The following PLEKHG3 variants were observed in gnomAD, a reference collection of about 807,000 sequenced individuals.
PLEKHG3 encodes the protein pleckstrin homology and RhoGEF domain containing G3.
PLEKHG3 carries 62 observed loss-of-function variants against 94.9 expected under a neutral mutation model. The ratio of observed to expected loss-of-function variants is 0.65; its 90% confidence interval spans 0.53 to 0.81. The LOEUF is 0.81. Ranked by LOEUF, PLEKHG3 falls within the 30% of genes least tolerant of loss-of-function variation. PLEKHG3 has a pLI of 0.00. For synonymous variants in PLEKHG3, 614 were observed against 654.0 expected (o/e 0.94, Z 0.93); for missense variants, 1,461 against 1,619.3 (o/e 0.90, Z 1.68).
rs771517661 is a variant in PLEKHG3 at position 64,730,200 on chromosome 14, C to G, written c.450-43C>G. 6.1e-5 allele frequency: 70 copies of G among 1,141,296 alleles called. No homozygotes were observed. The highest frequency in any genetic ancestry group is 8.4e-5 in the Non-Finnish European group (66 of 786,632). The allele number at this position is 1,141,296 out of a possible 1,614,324, so 70.7% of individuals were successfully genotyped here. Reference sequence around the variant, plus strand: ...GGAGGGGGCAGTGAGGGGCATTGTCCTCTGACTGCAGAGGGTACAGTGGCT... The same window carrying G: ...GGAGGGGGCAGTGAGGGGCATTGTCGTCTGACTGCAGAGGGTACAGTGGCT... On this transcript the variant is annotated intron_variant, in intron 3 of 16. Transcript: ENST00000247226. The surrounding 1 kb of genome is among the most constrained non-coding windows in gnomAD (Gnocchi z 5.4).
Position 64,720,484 on chromosome 14 carries a change from G to A in PLEKHG3, c.-39-7109G>A, listed in dbSNP as rs2081243942. On this transcript the variant is annotated intron_variant, in intron 1 of 16. Transcript: ENST00000247226. The surrounding 1 kb of genome is among the most constrained non-coding windows in gnomAD (Gnocchi z 4.1). Reference sequence around the variant, plus strand: ...GAGCTCATCCCGGCGCCATCTCAGAGTCCTTCCAGCAGGCATTTATTGAAC... The same window carrying A: ...GAGCTCATCCCGGCGCCATCTCAGAATCCTTCCAGCAGGCATTTATTGAAC... Among the ~76,000 whole-genome samples the A allele has an allele frequency of 6.6e-6, 1 of 152,182 alleles. No homozygotes were observed. Among genetic ancestry groups the A allele is most frequent in the Non-Finnish European group, 1.5e-5 (1 of 68,036 alleles).
rs2081355406 is a variant in PLEKHG3, at chr14:64,726,463, G to A, written c.-39-1130G>A. 6.6e-6 allele frequency among the ~76,000 whole-genome samples: 1 copy of A among 152,162 alleles called. No individual in the cohort carries two copies. Among genetic ancestry groups the A allele is most frequent in the Non-Finnish European group, 1.5e-5 (1 of 68,030 alleles). On this transcript the variant is annotated intron_variant, in intron 1 of 16. Transcript: ENST00000247226. This position sits in a 1 kb window ranked among gnomAD's most constrained non-coding sequence, Gnocchi z 5.1. ...GTACTCTGCAAAGTGGCATTGGTGA[G>A]CTCTAAGGGGTGGGCATGGGTGTTG...
In PLEKHG3 at chr14:64,723,678, T is replaced by A. The variant is rs2081303380; in HGVS notation, c.-39-3915T>A. ...ACTATGCCCAGCTAATTTTTGTATT[T>A]TTAGTAGAGATGGGGTTTCACCATG... On this transcript the variant is annotated intron_variant, in intron 1 of 16. Transcript: ENST00000247226. The surrounding 1 kb of genome is among the most constrained non-coding windows in gnomAD (Gnocchi z 4.5). 1 of 152,074 alleles carries A rather than the reference T, an allele frequency of 6.6e-6. No individual in the cohort carries two copies. The highest frequency in any genetic ancestry group is 2.1e-4 in the South Asian group (1 of 4,810). 9.4% of individuals were successfully genotyped at this position (152,074 alleles called of 1,614,324 possible).
At position 64,726,819 on chromosome 14, in the gene PLEKHG3, T is replaced by TC. The variant is rs1555360486; in HGVS notation, c.-39-773dup. Among the ~76,000 whole-genome samples, 4 of 152,080 alleles carry TC rather than the reference T, an allele frequency of 2.6e-5. No homozygotes were observed. Among genetic ancestry groups the TC allele is most frequent in the Non-Finnish European group, 1.5e-5 (1 of 68,002 alleles). ...CGGGGGATAATGCTGGCTCAGCCAG[T>TC]CAGTATCCAGAAAGTTTCAGGTTTG... On this transcript the variant is annotated intron_variant, in intron 1 of 16. Transcript: ENST00000247226. The surrounding 1 kb of genome is among the most constrained non-coding windows in gnomAD (Gnocchi z 5.1).
chr14:64,705,961 T>C (rs2080965291), intron 1 of PLEKHG3, among the ~76,000 whole-genome samples: 1 of 152,330 alleles, frequency 6.6e-6, no homozygotes, highest in Middle Eastern at 3.4e-3. Context: ...ACTCCCTTCC[T>C]GGAAGATAGG....
chr14:64,732,146 A>G lies in PLEKHG3; in HGVS notation c.1177A>G (p.Ile393Val), dbSNP rs767144566. ...RNWTHHIKRL[I>V]LENHHATIPQ... ...CTGGACTCACCACATCAAGAGGCTC[A>G]TCCTAGAGAACCACCATGCCACCAT... The change falls in exon 10 of 17, where the codon ATC becomes GTC. Residue 393 changes from isoleucine to valine, a missense_variant. Physicochemically the swap from Ile to Val is conservative, Grantham distance 29 (BLOSUM62 3). This residue lies in a region of PLEKHG3 where 1,201 missense variants were observed against 1,295.5 expected (regional missense o/e 0.93). Transcript: ENST00000247226. The surrounding 1 kb of genome is among the most constrained non-coding windows in gnomAD (Gnocchi z 4.9). 6.2e-7 allele frequency: 1 copy of G among 1,612,106 alleles called. No homozygotes were observed. Among genetic ancestry groups the G allele is most frequent in the Non-Finnish European group, 8.5e-7 (1 of 1,178,266 alleles).
chr14:64,737,045 C>T (rs1303994678), intron 13 of PLEKHG3, 154 bp downstream of exon 13: 10 of 716,776 alleles, frequency 1.4e-5, no homozygotes, highest in Non-Finnish European at 2.3e-5. Flanking sequence ...AAGAGGGCCT[C>T]GCCCCTGGCT....
chr14:64,722,593 G>GGGGA lies in PLEKHG3; in HGVS notation c.-39-4999_-39-4996dup, dbSNP rs2081280974. ...GGGGCCTTTGGAGCAGCTGCCCCAT[G>GGGGA]GGGACCCTCCTTGCTCGTTTTCTGC... On this transcript the variant is annotated intron_variant, in intron 1 of 16. Transcript: ENST00000247226. The surrounding 1 kb of genome is among the most constrained non-coding windows in gnomAD (Gnocchi z 4.3). Among the ~76,000 whole-genome samples the GGGGA allele has an allele frequency of 6.6e-6, 1 of 152,182 alleles. No individual in the cohort carries two copies. The highest frequency in any genetic ancestry group is 1.5e-5 in the Non-Finnish European group (1 of 68,022).
At chr14:64,711,638 T>G (rs533540355) in intron 1 of PLEKHG3, among the ~76,000 whole-genome samples, 6 of 152,186 alleles carry the variant, frequency 3.9e-5, no homozygotes, top group Non-Finnish European at 7.3e-5. Context: ...GGTCTCGATC[T>G]CCTGACCTTG....
chr14:64,727,612 C>G lies in PLEKHG3; in HGVS notation c.-20C>G. Reference sequence around the variant, plus strand: ...TTGCAGAATCTCCCTGGGGTGCCCTCCCCAGGCAGCAATGCCAGGATGCCT... The same window carrying G: ...TTGCAGAATCTCCCTGGGGTGCCCTGCCCAGGCAGCAATGCCAGGATGCCT... On this transcript the variant is annotated 5_prime_UTR_variant, in exon 2 of 17. Transcript: ENST00000247226. The surrounding 1 kb of genome is among the most constrained non-coding windows in gnomAD (Gnocchi z 6.0). The G allele has an allele frequency of 6.7e-7, 1 of 1,494,476 alleles. No homozygotes were observed. Among genetic ancestry groups the G allele is most frequent in the Non-Finnish European group, 9.3e-7 (1 of 1,074,252 alleles). The allele number at this position is 1,494,476 out of a possible 1,614,324, so 92.6% of individuals were successfully genotyped here. A position where few individuals can be genotyped will look rare whatever the true frequency, so the allele number is the denominator to read the frequency against.
chr14:64,749,311 T>C lies in PLEKHG3; in HGVS notation c.*5608T>C, dbSNP rs761315155. 6.2e-7 allele frequency: 1 copy of C among 1,602,390 alleles called. No individual in the cohort carries two copies. Among genetic ancestry groups the C allele is most frequent in the Non-Finnish European group, 8.5e-7 (1 of 1,176,138 alleles). Reference sequence around the variant, plus strand: ...GCGCCCGCCAGCCCCACCTGCTACTTCTTTTTGGGGAAGAAGCTGAATCTC... The same window carrying C: ...GCGCCCGCCAGCCCCACCTGCTACTCCTTTTTGGGGAAGAAGCTGAATCTC... On this transcript the variant is annotated 3_prime_UTR_variant, in exon 17 of 17. Transcript: ENST00000247226. The surrounding 1 kb of genome is among the most constrained non-coding windows in gnomAD (Gnocchi z 4.7).
chr14:64,749,256 T>C lies in PLEKHG3; in HGVS notation c.*5553T>C. 1 of 1,537,642 alleles carries C rather than the reference T, an allele frequency of 6.5e-7. No individual in the cohort carries two copies. The highest frequency in any genetic ancestry group is 1.9e-5 in the Admixed American group (1 of 51,338). ...GGCGAGAGGAGGCCAAGGCCTGGGC[T>C]GCCCGGTCTCTGCGCGTCCCGACTC... On this transcript the variant is annotated 3_prime_UTR_variant, in exon 17 of 17. Coordinates refer to ENST00000247226, the MANE Select transcript of PLEKHG3 (RefSeq NM_001308147.2). The surrounding 1 kb of genome is among the most constrained non-coding windows in gnomAD (Gnocchi z 4.7).
rs74056394 is a variant in PLEKHG3 at position 64,718,898 on chromosome 14, C to T, written c.-39-8695C>T. 0.023 allele frequency among the ~76,000 whole-genome samples: 3,447 copies of T among 152,212 alleles called. 133 individuals are homozygous for T. The highest frequency in any genetic ancestry group is 0.078 in the African/African-American group (3,230 of 41,502). On this transcript the variant is annotated intron_variant, in intron 1 of 16. Transcript: ENST00000247226. This position sits in a 1 kb window ranked among gnomAD's most constrained non-coding sequence, Gnocchi z 5.0. ...TTGTGCTTTTGCTCTCTCAAGTTGC[C>T]TTAACTTCTGCTCTTGCTCAGGCCT...
intron 12 of PLEKHG3, among the ~76,000 whole-genome samples, chr14:64,735,160 T>C (rs2081546569): frequency 6.6e-6 from 1 of 152,240 alleles, no homozygotes. Context: ...TGCCAGATGC[T>C]TGAGGGGCCC....
rs2081242249 is a variant in PLEKHG3 at position 64,720,365 on chromosome 14, C to T, written c.-39-7228C>T. Among the ~76,000 whole-genome samples the T allele has an allele frequency of 6.6e-6, 1 of 152,226 alleles. No individual in the cohort carries two copies. The highest frequency in any genetic ancestry group is 1.5e-5 in the Non-Finnish European group (1 of 68,048). On this transcript the variant is annotated intron_variant, in intron 1 of 16. Coordinates refer to ENST00000247226, the MANE Select transcript of PLEKHG3 (RefSeq NM_001308147.2). This position sits in a 1 kb window ranked among gnomAD's most constrained non-coding sequence, Gnocchi z 4.1. ...TCTTGGTTGATCGGAAACTTGCTGG[C>T]AGTGACTAATGTGGAGACTCATTAG...
rs1194622509 is a variant in PLEKHG3, at chr14:64,731,385, T to C, written c.874T>C (p.Trp292Arg). 3 of 1,613,866 alleles carry C rather than the reference T, an allele frequency of 1.9e-6. No homozygotes were observed. The highest frequency in any genetic ancestry group is 2.5e-6 in the Non-Finnish European group (3 of 1,179,954). Residue 292 changes from tryptophan (W) to arginine (R), a missense_variant, in exon 8 of 17, where the codon TGG becomes CGG. By Grantham distance (101) the Trp-to-Arg change is moderately radical. Around this residue, in one of 3 missense-constraint regions of PLEKHG3, gnomAD observed 1,201 missense variants for 1,295.5 expected, o/e 0.93. Transcript: ENST00000247226. This position sits in a 1 kb window ranked among gnomAD's most constrained non-coding sequence, Gnocchi z 6.1. ...GGAGATTCAGTCACTCCTCATCAACTGGAAGGGGCCCGACCTGACCACCTA... is the reference window on the plus strand; with the variant it reads ...GGAGATTCAGTCACTCCTCATCAACCGGAAGGGGCCCGACCTGACCACCTA... ...LQEIQSLLIN[W>R]KGPDLTTYGE... is the part of the protein sequence containing the mutation.
At chr14:64,734,647 T>G (rs2081536016) in intron 12 of PLEKHG3, among the ~76,000 whole-genome samples, 1 of 152,254 alleles carries the variant, frequency 6.6e-6, no homozygotes, top group South Asian at 2.1e-4. Flanking sequence ...TACTAAGAGT[T>G]GGATTTTTTC....
In PLEKHG3 at chr14:64,741,307, CT is replaced by C; in HGVS notation, c.1791del (p.Val598CysfsTer120). ...AQEPESLLPP[S>X]VLDQASVIAE... ...GAGCCTGAGAGCCTTCTGCCACCCT[CT>C]GTGCTGGACCAGGCCAGCGTCATTG... On this transcript the variant is annotated frameshift_variant, in exon 16 of 17. Coordinates refer to ENST00000247226, the MANE Select transcript of PLEKHG3 (RefSeq NM_001308147.2). LOFTEE classifies it high-confidence loss of function. 4 of 1,613,806 alleles carry C rather than the reference CT, an allele frequency of 2.5e-6. No homozygotes were observed. Among genetic ancestry groups the C allele is most frequent in the Non-Finnish European group, 3.4e-6 (4 of 1,180,020 alleles).
At position 64,730,262 on chromosome 14, in the gene PLEKHG3, G is replaced by A; in HGVS notation, c.469G>A (p.Asp157Asn). The change falls in exon 4 of 17, where the codon GAC becomes AAC. Residue 157 changes from aspartate (D) to asparagine (N), a missense_variant. Transcript: ENST00000247226. This position sits in a 1 kb window ranked among gnomAD's most constrained non-coding sequence, Gnocchi z 5.4. Reference sequence around the variant, plus strand: ...ACCCAGCCAGCTCCTCAGAGACCTGGACAGCTGCAATAGTGACCCCGTGGC... The same window carrying A: ...ACCCAGCCAGCTCCTCAGAGACCTGAACAGCTGCAATAGTGACCCCGTGGC... ...ALNSQLLRDLDSCNSDPVAVA... is the reference protein window; with the variant it reads ...ALNSQLLRDLNSCNSDPVAVA... 1 of 1,534,744 alleles carries A rather than the reference G, an allele frequency of 6.5e-7. No individual in the cohort carries two copies. Among genetic ancestry groups the A allele is most frequent in the Non-Finnish European group, 8.7e-7 (1 of 1,145,628 alleles).
Sources: allele counts gnomAD v4.1 joint callset (sites outside exome capture counted in the v4.1 genomes callset), GRCh38; gene constraint gnomAD v4.1.1; regional missense constraint gnomAD v4.1.1; non-coding constraint Gnocchi (gnomAD v3.1); transcripts MANE v1.5; gene names NCBI Gene and HGNC (gene_info 2026-07-23, HGNC 2026-07-21).